Variants in SMCO4 observed in about 807,000 individuals in gnomAD.
SMCO4 encodes the protein single-pass membrane protein with coiled-coil domains 4.
In SMCO4, 4 loss-of-function variants were observed where a neutral mutation model predicts 3.6. The ratio of observed to expected loss-of-function variants is 1.11; its 90% CI spans 0.54 to 2.53. The LOEUF is 2.53. Among genes scored for constraint, SMCO4 ranks in the 30% most tolerant of loss-of-function variants. SMCO4 has a pLI of 0.02. For synonymous variants in SMCO4, 36 were observed against 35.3 expected, an observed-to-expected ratio of 1.02 and a Z score of -0.07; for missense variants, 70 against 80.8, an observed-to-expected ratio of 0.87 and a Z score of 0.51.
intron 1 of SMCO4, among the ~76,000 whole-genome samples, chr11:93,533,117 C>A (rs1949179071): frequency 1.3e-5 from 2 of 152,180 alleles, no homozygotes; most frequent in African/African-American, 4.8e-5. Context: ...TGAATTGGAT[C>A]TTGCTCATTT....
chr11:93,541,640 A>C (rs1244871962), intron 1 of SMCO4, among the ~76,000 whole-genome samples: 39 of 152,328 alleles, frequency 2.6e-4, no homozygotes, highest in Admixed American at 2.5e-3. Context: ...TCTAAGCACA[A>C]TGAGCAACTT....
rs972412916 is a variant in SMCO4, at chr11:93,479,055, G to C, written c.135C>G (p.Ile45Met). 2.5e-6 allele frequency: 4 copies of C among 1,613,196 alleles called. No individual in the cohort carries two copies. The highest frequency in any genetic ancestry group is 3.4e-6 in the Non-Finnish European group (4 of 1,179,652). ...LPTLAVVVLL[I>M]VVFVYVATRP... Reference sequence around the variant, plus strand: ...GCGTGGCCACGTACACAAACACCACGATCAAGAGCACGACCACGGCCAGCG... The same window carrying C: ...GCGTGGCCACGTACACAAACACCACCATCAAGAGCACGACCACGGCCAGCG... Residue 45 changes from isoleucine (I) to methionine (M), a missense_variant, in exon 3 of 3, where the codon ATC becomes ATG. Ile to Met is a conservative substitution (Grantham distance 10). Transcript: ENST00000298966.
At chr11:93,551,629 T>C in the SMCO4 span, among the ~76,000 whole-genome samples, 1 of 152,220 alleles carries the variant, frequency 6.6e-6, no homozygotes, top group East Asian at 1.9e-4. Flanking sequence ...CCTGTGCATA[T>C]GCAGTCTCTG....
chr11:93,502,567 G>A (rs1181033031), intron 1 of SMCO4, among the ~76,000 whole-genome samples: 1 of 152,150 alleles, frequency 6.6e-6, no homozygotes, highest in Non-Finnish European at 1.5e-5. Flanking sequence ...GCGATAACAG[G>A]TATGGCCATG....
intron 1 of SMCO4, among the ~76,000 whole-genome samples, chr11:93,514,394 AT>A (rs1948986754): frequency 1.0e-4 from 4 of 38,522 alleles, no homozygotes; most frequent in Non-Finnish European, 1.6e-4. Flanking sequence ...ATATATATAT[AT>A]ATATATATAT....
At chr11:93,501,360 C>T (rs1036285971) in intron 1 of SMCO4, among the ~76,000 whole-genome samples, 2 of 152,216 alleles carry the variant, frequency 1.3e-5, no homozygotes, top group African/African-American at 4.8e-5. Context: ...AGGCTTAAAA[C>T]AGGAAATGTA....
At chr11:93,535,043 C>T (rs935494422) in intron 1 of SMCO4, among the ~76,000 whole-genome samples, 1 of 152,204 alleles carries the variant, frequency 6.6e-6, no homozygotes, top group Non-Finnish European at 1.5e-5. Flanking sequence ...TTCCAGCACG[C>T]AATCTTTAAG....
intron 1 of SMCO4, among the ~76,000 whole-genome samples, chr11:93,505,244 G>T (rs1035672518): frequency 6.6e-6 from 1 of 152,158 alleles, no homozygotes; most frequent in Admixed American, 6.5e-5. Flanking sequence ...AAAAACAAAT[G>T]ATTTAGCACT....
upstream of SMCO4, among the ~76,000 whole-genome samples, chr11:93,547,065 C>A (rs4753470): frequency 0.018 from 2,725 of 152,344 alleles, 78 homozygotes; most frequent in African/African-American, 0.062. Context: ...AAATTTGGTG[C>A]ACATAGAGGT....
chr11:93,513,890 T>C (rs1948981111), intron 1 of SMCO4, among the ~76,000 whole-genome samples: 1 of 152,190 alleles, frequency 6.6e-6, no homozygotes, highest in Non-Finnish European at 1.5e-5. Flanking sequence ...GATGTGGGGC[T>C]CCCGCCAAAT....
At chr11:93,486,416 C>T (rs1460330967) in intron 2 of SMCO4, among the ~76,000 whole-genome samples, 1 of 152,182 alleles carries the variant, frequency 6.6e-6, no homozygotes, top group African/African-American at 2.4e-5. Flanking sequence ...AAGCTGAGGA[C>T]ACAGGGAAGG....
intron 1 of SMCO4, among the ~76,000 whole-genome samples, chr11:93,534,375 T>TAGAGAGAGAGAGAGAGAGAGAGAGAG (rs1555079957): frequency 2.1e-5 from 3 of 142,132 alleles, no homozygotes; most frequent in African/African-American, 7.9e-5. Flanking sequence ...TATATATATA[T>TAGAGAGAGAGAGAGAGAGAGAGAGAG]AGAGAGAGAG....
intron 2 of SMCO4, among the ~76,000 whole-genome samples, chr11:93,486,776 C>T (rs2605601): frequency 0.69 from 105,154 of 151,982 alleles, 36,829 homozygotes; most frequent in East Asian, 0.99. Context: ...GCCCATTACA[C>T]CCCACTGTAC....
chr11:93,500,952 T>C (rs1238359956), intron 1 of SMCO4, among the ~76,000 whole-genome samples: 1 of 152,184 alleles, frequency 6.6e-6, no homozygotes, highest in Non-Finnish European at 1.5e-5. Flanking sequence ...CAGCTTTCAC[T>C]GAACAGGGTA....
intron 1 of SMCO4, among the ~76,000 whole-genome samples, chr11:93,502,430 G>A (rs191194178): frequency 1.3e-5 from 2 of 152,220 alleles, no homozygotes; most frequent in South Asian, 2.1e-4. Context: ...TGTGTTAGAG[G>A]TTTTCTTGCA....
chr11:93,516,663 G>A (rs950753591), intron 1 of SMCO4, among the ~76,000 whole-genome samples: 5 of 152,020 alleles, frequency 3.3e-5, no homozygotes, highest in Non-Finnish European at 5.9e-5. Context: ...GGTGGTGCGT[G>A]CCTGTAGTCC....
At chr11:93,547,753 A>G (rs1248764808), upstream of SMCO4, among the ~76,000 whole-genome samples, 1 of 152,252 alleles carries the variant, frequency 6.6e-6, no homozygotes, top group African/African-American at 2.4e-5. Flanking sequence ...TGTAGGAAGA[A>G]GGAGAAAAGA....
At chr11:93,535,700 A>G in intron 1 of SMCO4, 1 of 1,613,662 alleles carries the variant, frequency 6.2e-7, no homozygotes, top group South Asian at 1.1e-5. Context: ...GAAGTGAATA[A>G]GTTTCAGATG....
At chr11:93,538,229 A>C (rs1591331649) in intron 1 of SMCO4, among the ~76,000 whole-genome samples, 1 of 152,122 alleles carries the variant, frequency 6.6e-6, no homozygotes, top group East Asian at 1.9e-4. Flanking sequence ...CCGTCAGAGG[A>C]GGCTGGCCTC....
Sources: allele counts gnomAD v4.1 joint callset (sites outside exome capture counted in the v4.1 genomes callset), GRCh38; gene constraint gnomAD v4.1.1; transcripts MANE v1.5; gene names NCBI Gene and HGNC (gene_info 2026-07-23, HGNC 2026-07-21).